SAA1: variants seen among roughly 807,000 people sequenced by gnomAD.
SAA1 encodes the protein serum amyloid A-1 protein.
In SAA1, 4 loss-of-function variants were observed where a neutral mutation model predicts 9.8. That is an observed-to-expected ratio of 0.41 (90% confidence interval 0.20 to 0.93). SAA1 has a LOEUF of 0.93. SAA1 is among the 40% of genes least tolerant of loss of function. The probability of loss-of-function intolerance (pLI) is 0.33; values close to 1 mark genes in which losing one functional copy is unlikely to be tolerated. For synonymous variants in SAA1, 47 were observed against 57.7 expected (o/e 0.82, Z 0.84); for missense variants, 114 against 155.5 (o/e 0.73, Z 1.42).
chr11:18,268,606 G>T (rs1858105976), intron 2 of SAA1, among the ~76,000 whole-genome samples: 1 of 152,080 alleles, frequency 6.6e-6, no homozygotes, highest in African/African-American at 2.4e-5. Context: ...GGCCAAGGCA[G>T]GGGGATCACG....
Position 18,269,704 on chromosome 11 carries a change from G to T in SAA1, c.231-13G>T. 2 of 1,613,874 alleles carry T rather than the reference G, an allele frequency of 1.2e-6. No individual in the cohort carries two copies. Among genetic ancestry groups the T allele is most frequent in the African/African-American group, 2.7e-5 (2 of 75,052 alleles). ...CTGATTATTAATCTCCTTCTTGCCT[G>T]CCTTGATTACAGCGATGCCAGAGAG... On this transcript the variant is annotated splice_polypyrimidine_tract_variant and intron_variant, in intron 3 of 3. Transcript: ENST00000356524.
chr11:18,269,092 C>T (rs1457820147), intron 2 of SAA1, 103 bp from the exon 3 acceptor site: 1 of 1,587,742 alleles, frequency 6.3e-7, no homozygotes, highest in Admixed American at 1.8e-5. Flanking sequence ...AGGCTGAAAG[C>T]TTGAAGTCAG....
intron 2 of SAA1, among the ~76,000 whole-genome samples, chr11:18,268,319 T>C (rs1858096522): frequency 1.3e-5 from 2 of 151,594 alleles, no homozygotes; most frequent in Non-Finnish European, 2.9e-5. Flanking sequence ...TTGCAGTGAC[T>C]AGAGATCGCA....
chr11:18,268,597 G>T (rs1328605170), intron 2 of SAA1, among the ~76,000 whole-genome samples: 1 of 152,126 alleles, frequency 6.6e-6, no homozygotes, highest in East Asian at 1.9e-4. Context: ...ACTTTGGGAG[G>T]CCAAGGCAGG....
chr11:18,269,673 A>T, intron 3 of SAA1, 44 bp from the exon 4 acceptor site: 1 of 1,610,436 alleles, frequency 6.2e-7, no homozygotes, highest in Non-Finnish European at 8.5e-7. Context: ...GCTATTGCTC[A>T]CTGGCCTGAT....
At chr11:18,267,955 AT>A (rs1858083524) in intron 2 of SAA1, among the ~76,000 whole-genome samples, 1 of 151,622 alleles carries the variant, frequency 6.6e-6, no homozygotes, top group Admixed American at 6.6e-5. Context: ...CTAGAGGTTG[AT>A]GGTTATGAAT....
At chr11:18,268,882 T>G (rs543288584) in intron 2 of SAA1, among the ~76,000 whole-genome samples, 2 of 136,552 alleles carry the variant, frequency 1.5e-5, no homozygotes, top group East Asian at 2.3e-4. Flanking sequence ...ACTTTAGTAG[T>G]CAGGGCAGAA....
chr11:18,269,860 C>T lies in SAA1; in HGVS notation c.*5C>T, dbSNP rs1858172734. On this transcript the variant is annotated 3_prime_UTR_variant, in exon 4 of 4. Transcript: ENST00000356524. ...GGCCTGCCTGAGAAATACTGAGCTTCCTCTTCACTCTGCTCTCAGGAGATC... is the reference window on the plus strand; with the variant it reads ...GGCCTGCCTGAGAAATACTGAGCTTTCTCTTCACTCTGCTCTCAGGAGATC... The T allele has an allele frequency of 6.2e-7, 1 of 1,613,872 alleles. No individual in the cohort carries two copies. The highest frequency in any genetic ancestry group is 1.7e-5 in the Admixed American group (1 of 60,006).
At chr11:18,267,578 G>A (rs1323722146) in intron 2 of SAA1, among the ~76,000 whole-genome samples, 2 of 128,516 alleles carry the variant, frequency 1.6e-5, no homozygotes, top group East Asian at 4.1e-4. Context: ...TTCCTCCTTC[G>A]ATTTCCTAGT....
rs746094081 is a variant in SAA1, at chr11:18,269,784, G to A, written c.298G>A (p.Ala100Thr). 4 of 1,614,120 alleles carry A rather than the reference G, an allele frequency of 2.5e-6. No homozygotes were observed. The highest frequency in any genetic ancestry group is 2.2e-5 in the East Asian group (1 of 44,884). ...GGAGGACTCGCTGGCTGATCAGGCT[G>A]CCAATGAATGGGGCAGGAGTGGCAA... ...GAEDSLADQA[A>T]NEWGRSGKDP... The change falls in exon 4 of 4, where the codon GCC becomes ACC. Residue 100 changes from alanine to threonine, a missense_variant. Ala to Thr is a moderately conservative substitution (Grantham distance 58). This residue lies in a region of SAA1 where 68 missense variants were observed against 54.7 expected (regional missense o/e 1.24). Transcript: ENST00000356524.
intron 2 of SAA1, 101 bp from the exon 3 acceptor site, chr11:18,269,094 T>C: frequency 6.3e-7 from 1 of 1,591,248 alleles, no homozygotes; most frequent in Non-Finnish European, 8.5e-7. Flanking sequence ...GCTGAAAGCT[T>C]GAAGTCAGTG....
intron 2 of SAA1, among the ~76,000 whole-genome samples, chr11:18,268,173 G>C (rs1289986268): frequency 6.6e-5 from 10 of 151,608 alleles, no homozygotes; most frequent in East Asian, 2.0e-4. Flanking sequence ...GAGTTCCGGA[G>C]CAGCCTGGCC....
At chr11:18,268,428 T>G (rs1858100182) in intron 2 of SAA1, among the ~76,000 whole-genome samples, 1 of 152,152 alleles carries the variant, frequency 6.6e-6, no homozygotes, top group African/African-American at 2.4e-5. Context: ...TATTGCTTCC[T>G]CAAGCAACCC....
At position 18,269,347 on chromosome 11, in the gene SAA1, C is replaced by T; in HGVS notation, c.230+14C>T. On this transcript the variant is annotated intron_variant, in intron 3 of 3. Transcript: ENST00000356524. Reference sequence around the variant, plus strand: ...AGAAGTGATCACGTAACTGGAGCTCCTGGGACGTTAGGGCTGGGTGAGCAG... The same window carrying T: ...AGAAGTGATCACGTAACTGGAGCTCTTGGGACGTTAGGGCTGGGTGAGCAG... 6.9e-7 allele frequency: 1 copy of T among 1,459,226 alleles called. No homozygotes were observed. The highest frequency in any genetic ancestry group is 9.1e-7 in the Non-Finnish European group (1 of 1,101,832). The allele number at this position is 1,459,226 out of a possible 1,614,324, so 90.4% of individuals were successfully genotyped here.
At chr11:18,269,032 A>T (rs1858127032) in intron 2 of SAA1, among the ~76,000 whole-genome samples, 163 bp from the exon 3 acceptor site, 1 of 152,150 alleles carries the variant, frequency 6.6e-6, no homozygotes, top group East Asian at 1.9e-4. Context: ...GCCAACTAGG[A>T]TAAAGGAATG....
intron 3 of SAA1, 26 bp from the exon 4 acceptor site, chr11:18,269,691 C>A (rs1858160745): frequency 6.2e-7 from 1 of 1,613,238 alleles, no homozygotes; most frequent in Non-Finnish European, 8.5e-7. Flanking sequence ...GATTATTAAT[C>A]TCCTTCTTGC....
intron 2 of SAA1, among the ~76,000 whole-genome samples, chr11:18,268,344 C>T (rs1002742689): frequency 2.0e-5 from 3 of 151,948 alleles, no homozygotes. Flanking sequence ...TGTCCTCCAA[C>T]CTGGGTGACA....
intron 2 of SAA1, 140 bp from the exon 3 acceptor site, chr11:18,269,055 C>T (rs1858127795): frequency 1.1e-6 from 1 of 918,586 alleles, no homozygotes; most frequent in Non-Finnish European, 1.6e-6. Flanking sequence ...CTTCTCAACC[C>T]ATGGTATCCA....
intron 2 of SAA1, among the ~76,000 whole-genome samples, chr11:18,268,831 TAAAAAAAAAA>T (rs371021832): frequency 4.5e-5 from 5 of 110,594 alleles, no homozygotes; most frequent in African/African-American, 1.1e-4. Context: ...AGACTCTGTC[TAAAAAAAAAA>T]AAAAAAAAAA....
Sources: gnomAD v4.1 joint callset for allele counts (sites outside exome capture counted in the v4.1 genomes callset) on GRCh38, gnomAD v4.1.1 for gene constraint, gnomAD v4.1.1 regional missense constraint, MANE v1.5 for transcripts, NCBI Gene and HGNC (gene_info 2026-07-23, HGNC 2026-07-21) for gene names.